The following SUMF1 variants were observed in gnomAD, a reference collection of about 807,000 sequenced individuals.
SUMF1 encodes the protein sulfatase modifying factor 1.
A neutral mutation model predicts 47.6 loss-of-function variants in SUMF1; 48 were observed. The ratio of observed to expected loss-of-function variants is 1.01; its 90% CI spans 0.80 to 1.28. SUMF1 has a LOEUF of 1.28. Ranked by LOEUF, SUMF1 falls within the 50% of genes most tolerant of loss-of-function variation. The pLI is 0.00. For missense variants in SUMF1, 571 were observed against 485.4 expected (o/e 1.18, Z -1.66); for synonymous variants, 230 against 192.1 (o/e 1.20, Z -1.63).
At chr3:4,349,021 A>G (rs1250558935) in intron 8 of SUMF1, among the ~76,000 whole-genome samples, 2 of 152,258 alleles carry the variant, frequency 1.3e-5, no homozygotes, top group African/African-American at 2.4e-5. Flanking sequence ...TAAACTAAAG[A>G]TCTTCTGCAC....
intron 8 of SUMF1, among the ~76,000 whole-genome samples, chr3:4,335,484 G>C (rs181893104): frequency 1.3e-3 from 205 of 152,300 alleles, no homozygotes; most frequent in African/African-American, 4.6e-3. Context: ...CACCATCACG[G>C]AAGTGGGAAA....
chr3:4,406,283 C>A (rs1701373214), intron 7 of SUMF1, among the ~76,000 whole-genome samples: 1 of 152,164 alleles, frequency 6.6e-6, no homozygotes, highest in Non-Finnish European at 1.5e-5. Flanking sequence ...AAGATATATT[C>A]TACATTTAGC....
chr3:4,456,692 G>GTGTATATA (rs1553588969), intron 1 of SUMF1, among the ~76,000 whole-genome samples: 2 of 131,120 alleles, frequency 1.5e-5, no homozygotes, highest in East Asian at 4.7e-4. Flanking sequence ...ATATATGTGT[G>GTGTATATA]TATATATATA....
intron 8 of SUMF1, among the ~76,000 whole-genome samples, chr3:4,319,565 T>C (rs950418686): frequency 5.3e-5 from 8 of 152,206 alleles, no homozygotes; most frequent in Non-Finnish European, 4.4e-5. Flanking sequence ...ATGAGACAAA[T>C]GTAAATTTCA....
intron 8 of SUMF1, among the ~76,000 whole-genome samples, chr3:4,345,655 T>C (rs889408641): frequency 3.9e-5 from 6 of 152,130 alleles, no homozygotes; most frequent in African/African-American, 1.2e-4. Flanking sequence ...CATAGTATCA[T>C]GATGACAGGA....
intron 8 of SUMF1, among the ~76,000 whole-genome samples, chr3:4,341,799 G>C (rs941094105): frequency 6.6e-5 from 10 of 152,046 alleles, no homozygotes; most frequent in Admixed American, 2.6e-4. Context: ...TAGACTTCTT[G>C]CCTTGCTCAC....
intron 9 of SUMF1, among the ~76,000 whole-genome samples, chr3:4,065,565 G>A (rs1695356297): frequency 6.6e-6 from 1 of 152,034 alleles, no homozygotes; most frequent in Non-Finnish European, 1.5e-5. Context: ...GCTGAACAAA[G>A]CATTCACATA....
At chr3:4,092,433 A>G (rs182618528) in intron 8 of SUMF1, among the ~76,000 whole-genome samples, 62 of 152,236 alleles carry the variant, frequency 4.1e-4, no homozygotes, top group African/African-American at 1.3e-3. Context: ...AATCCTTTCC[A>G]CATTGAGCAT....
intron 9 of SUMF1, among the ~76,000 whole-genome samples, chr3:4,066,707 C>T (rs1695383772): frequency 6.6e-6 from 1 of 152,144 alleles, no homozygotes; most frequent in South Asian, 2.1e-4. Context: ...GCTTGGCTGC[C>T]ATCTTCCCGG....
At chr3:4,256,289 G>A in intron 8 of SUMF1, among the ~76,000 whole-genome samples, 1 of 94,982 alleles carries the variant, frequency 1.1e-5, no homozygotes. Context: ...AGGAAATAGA[G>A]ACACAAAAAA....
intron 9 of SUMF1, among the ~76,000 whole-genome samples, chr3:4,057,295 G>A (rs1464158531): frequency 6.6e-6 from 1 of 152,056 alleles, no homozygotes; most frequent in Admixed American, 6.6e-5. Context: ...ATAAAGTCAA[G>A]GGCTGGAGGC....
chr3:4,215,315 A>C (rs1161125535), intron 8 of SUMF1, among the ~76,000 whole-genome samples: 1 of 152,234 alleles, frequency 6.6e-6, no homozygotes, highest in Non-Finnish European at 1.5e-5. Flanking sequence ...ATCTCAATAG[A>C]TGCAGAAAAG....
intron 1 of SUMF1, among the ~76,000 whole-genome samples, chr3:4,454,707 A>G (rs1473636364): frequency 6.6e-6 from 1 of 152,244 alleles, no homozygotes; most frequent in Non-Finnish European, 1.5e-5. Context: ...TAAGTAAACA[A>G]AATTTGGTAT....
intron 2 of SUMF1, among the ~76,000 whole-genome samples, chr3:4,450,210 G>A (rs1372026970): frequency 6.6e-6 from 1 of 152,196 alleles, no homozygotes; most frequent in African/African-American, 2.4e-5. Context: ...CACACAGCTA[G>A]TTGTTCTAAT....
intron 8 of SUMF1, among the ~76,000 whole-genome samples, chr3:4,177,808 A>C (rs1482689836): frequency 6.6e-6 from 1 of 152,286 alleles, no homozygotes; most frequent in Middle Eastern, 3.4e-3. Context: ...AATGATAAAG[A>C]AGAAAAGAGA....
intron 8 of SUMF1, among the ~76,000 whole-genome samples, chr3:4,145,264 G>A (rs1036318800): frequency 3.4e-5 from 5 of 148,850 alleles, no homozygotes; most frequent in Non-Finnish European, 5.9e-5. Flanking sequence ...AGACATCTCC[G>A]TTCATTGCTG....
chr3:4,070,817 G>A (rs909197208), intron 8 of SUMF1, among the ~76,000 whole-genome samples: 2 of 151,936 alleles, frequency 1.3e-5, no homozygotes, highest in Admixed American at 6.6e-5. Context: ...ATATTTAGTA[G>A]AGACGGGGTT....
chr3:4,200,173 G>A (rs901801473), intron 8 of SUMF1, among the ~76,000 whole-genome samples: 2 of 133,128 alleles, frequency 1.5e-5, no homozygotes, highest in South Asian at 2.6e-4. Context: ...TAAGCATCAA[G>A]ATTTTTTTTT....
intron 8 of SUMF1, among the ~76,000 whole-genome samples, chr3:4,269,720 GGA>G (rs1697267845): frequency 6.6e-6 from 1 of 152,218 alleles, no homozygotes; most frequent in East Asian, 1.9e-4. Context: ...TTCCTTAAGT[GGA>G]ATAATATTGG....
Sources: gnomAD v4.1 joint callset for allele counts (sites outside exome capture counted in the v4.1 genomes callset) on GRCh38, gnomAD v4.1.1 for gene constraint, MANE v1.5 for transcripts, NCBI Gene and HGNC (gene_info 2026-07-23, HGNC 2026-07-21) for gene names.